The following HSF5 variants were observed in gnomAD, a reference collection of about 807,000 sequenced individuals.
HSF5 encodes heat shock factor protein 5.
HSF5 carries 5 observed loss-of-function variants against 50.8 expected under a neutral mutation model. The observed-to-expected ratio is 0.10, with a 90% CI of 0.05 to 0.21. The LOEUF is 0.21. HSF5 is among the 10% of genes least tolerant of loss of function. HSF5 has a pLI of 1.00. For missense variants in HSF5, 564 were observed against 762.6 expected, an observed-to-expected ratio of 0.74 and a Z score of 3.07; for synonymous variants, 307 against 307.4, an observed-to-expected ratio of 1.00 and a Z score of 0.02.
chr17:58,487,694 G>A, intron 1 of HSF5, 31 bp downstream of exon 1: 3 of 1,370,110 alleles, frequency 2.2e-6, no homozygotes, highest in East Asian at 5.7e-5. Context: ...TGTGCCCACT[G>A]TGGGCGAGGG....
chr17:58,437,251 T>G (rs1352379973), intron 5 of HSF5, among the ~76,000 whole-genome samples: 1 of 152,158 alleles, frequency 6.6e-6, no homozygotes, highest in Non-Finnish European at 1.5e-5. Flanking sequence ...AGAAAGGCAT[T>G]CTTGGTATAG....
At chr17:58,427,187 AGC>A (rs1276421286) in intron 5 of HSF5, among the ~76,000 whole-genome samples, 1 of 152,204 alleles carries the variant, frequency 6.6e-6, no homozygotes, top group Non-Finnish European at 1.5e-5. Context: ...GGATAGCTTG[AGC>A]CCAGGAGGTC....
intron 1 of HSF5, among the ~76,000 whole-genome samples, chr17:58,483,123 A>G (rs1975123597): frequency 6.6e-6 from 1 of 151,748 alleles, no homozygotes; most frequent in Non-Finnish European, 1.5e-5. Flanking sequence ...CGCAGTCAAC[A>G]CTACATACAG....
rs559571531 is a variant in HSF5 at position 58,463,254 on chromosome 17, C to A, written c.1070G>T (p.Trp357Leu). Residue 357 changes from tryptophan (W) to leucine (L), a missense_variant, in exon 4 of 6, where the codon TGG becomes TTG. Trp to Leu is a moderately conservative substitution (Grantham distance 61). Transcript: ENST00000323777. ...SYPVEFLPSN[W>L]PCSTTDENTK... ...ATTTTCATCAGTAGTACTGCAGGGC[C>A]AATTGGAAGGCAAAAATTCAACTGG... 2 of 1,613,710 alleles carry A rather than the reference C, an allele frequency of 1.2e-6. No homozygotes were observed. The highest frequency in any genetic ancestry group is 2.7e-5 in the African/African-American group (2 of 74,946).
chr17:58,452,810 TC>T (rs1974659055), intron 5 of HSF5, among the ~76,000 whole-genome samples: 1 of 152,178 alleles, frequency 6.6e-6, no homozygotes, highest in South Asian at 2.1e-4. Context: ...CTTTCTGCCC[TC>T]CCCAAGTTTG....
chr17:58,440,519 A>G (rs557501407), intron 5 of HSF5, among the ~76,000 whole-genome samples: 1 of 152,286 alleles, frequency 6.6e-6, no homozygotes, highest in African/African-American at 2.4e-5. Flanking sequence ...TTATTTTTAC[A>G]AGTAACTTTT....
chr17:58,440,644 T>C (rs1260090543), intron 5 of HSF5, among the ~76,000 whole-genome samples: 1 of 152,204 alleles, frequency 6.6e-6, no homozygotes, highest in African/African-American at 2.4e-5. Context: ...AAGAGACCTG[T>C]GGAAACTCCA....
chr17:58,465,041 G>A (rs1974842451), intron 3 of HSF5, among the ~76,000 whole-genome samples: 1 of 149,344 alleles, frequency 6.7e-6, no homozygotes, highest in South Asian at 2.1e-4. Context: ...AACTCCTCAA[G>A]GTGGGAGGAT....
rs1225775072 is a variant in HSF5 at position 58,480,057 on chromosome 17, G to A, written c.761C>T (p.Pro254Leu). 8 of 1,613,998 alleles carry A rather than the reference G, an allele frequency of 5.0e-6. No individual in the cohort carries two copies. The highest frequency in any genetic ancestry group is 2.2e-5 in the East Asian group (1 of 44,898). ...TGGAAACCTCTGGAGTACAGGAAAC[G>A]GAACCCCTTTATCTGAAAATGTGGG... The part of the protein sequence containing the change: ...TSPTFSDKGV[P>L]FPVLQRFPTE... Residue 254 changes from proline to leucine, a missense_variant, in exon 2 of 6, where the codon CCG (proline) becomes CTG (leucine). Transcript: ENST00000323777.
intron 4 of HSF5, among the ~76,000 whole-genome samples, chr17:58,460,231 C>CTGGG (rs1974772254): frequency 2.0e-5 from 3 of 151,786 alleles, no homozygotes; most frequent in African/African-American, 7.3e-5. Context: ...GTTGCCCAGA[C>CTGGG]CAGTCTGGAC....
chr17:58,487,399 C>A (rs183192871), intron 1 of HSF5, among the ~76,000 whole-genome samples: 1 of 152,218 alleles, frequency 6.6e-6, no homozygotes, highest in African/African-American at 2.4e-5. Context: ...CGGAGGCTTA[C>A]AACCAGGTAA....
At chr17:58,459,642 A>G (rs957493427) in intron 4 of HSF5, among the ~76,000 whole-genome samples, 9 of 133,506 alleles carry the variant, frequency 6.7e-5, no homozygotes, top group Admixed American at 3.9e-4. Context: ...GTGAGACTAC[A>G]TCTCAAAAAA....
intron 5 of HSF5, among the ~76,000 whole-genome samples, chr17:58,445,445 C>T (rs1429800952): frequency 6.6e-6 from 1 of 152,148 alleles, no homozygotes; most frequent in Non-Finnish European, 1.5e-5. Context: ...ATATTTCCAC[C>T]CCCAAGTTCA....
At chr17:58,463,812 T>C (rs1237926446) in intron 3 of HSF5, among the ~76,000 whole-genome samples, 1 of 152,208 alleles carries the variant, frequency 6.6e-6, no homozygotes, top group Non-Finnish European at 1.5e-5. Context: ...CAAATGTCCT[T>C]TGTTTCCTGG....
At chr17:58,479,436 G>A (rs1975069365) in intron 2 of HSF5, among the ~76,000 whole-genome samples, 1 of 152,024 alleles carries the variant, frequency 6.6e-6, no homozygotes, top group Non-Finnish European at 1.5e-5. Flanking sequence ...CTGAGTAGCT[G>A]GGATTACAGG....
chr17:58,444,561 C>T (rs1017776586), intron 5 of HSF5, among the ~76,000 whole-genome samples: 3 of 152,132 alleles, frequency 2.0e-5, no homozygotes, highest in Admixed American at 6.5e-5. Flanking sequence ...TGAAAACTAA[C>T]TCAAACTAAC....
chr17:58,435,042 G>A (rs2143737346), intron 5 of HSF5, among the ~76,000 whole-genome samples: 1 of 152,282 alleles, frequency 6.6e-6, no homozygotes, highest in Non-Finnish European at 1.5e-5. Context: ...TGATAAATAT[G>A]TTGGTGGGAA....
At chr17:58,472,349 G>T (rs1310854668) in intron 2 of HSF5, among the ~76,000 whole-genome samples, 1 of 152,134 alleles carries the variant, frequency 6.6e-6, no homozygotes, top group Non-Finnish European at 1.5e-5. Context: ...GGTGGTGTGT[G>T]CCTGTAGTCC....
Position 58,478,860 on chromosome 17 carries a change from T to G in HSF5, c.925+1033A>C, listed in dbSNP as rs1975060391. On this transcript the variant is annotated intron_variant, in intron 2 of 5. Coordinates refer to ENST00000323777, the MANE Select transcript of HSF5 (RefSeq NM_001080439.3). Reference sequence around the variant, plus strand: ...CCTGGGCAACAAGAGTGAAACTCCATCTCCAAAAAAAAAAAAAAAAAAGAG... The same window carrying G: ...CCTGGGCAACAAGAGTGAAACTCCAGCTCCAAAAAAAAAAAAAAAAAAGAG... Among the ~76,000 whole-genome samples, 4 of 79,930 alleles carry G rather than the reference T, an allele frequency of 5.0e-5. No homozygotes were observed. In the South Asian group the frequency reaches 1.8e-3, roughly 36 times the overall value. 52.4% of individuals were successfully genotyped at this position (79,930 alleles called of 152,430 possible).
Sources: allele counts gnomAD v4.1 joint callset (sites outside exome capture counted in the v4.1 genomes callset), GRCh38; gene constraint gnomAD v4.1.1; transcripts MANE v1.5; gene names NCBI Gene and HGNC (gene_info 2026-07-23, HGNC 2026-07-21).